The following STXBP4 variants were observed in gnomAD, a reference collection of about 807,000 sequenced individuals.
STXBP4 encodes the protein syntaxin binding protein 4.
In STXBP4, 55 loss-of-function variants were observed where a neutral mutation model predicts 76.1. That is an observed-to-expected ratio of 0.72 (90% CI 0.58 to 0.91). The LOEUF (loss-of-function observed/expected upper bound fraction) is 0.91, where lower values mean the gene tolerates loss of function less well. Ranked by LOEUF, STXBP4 falls within the 40% of genes least tolerant of loss-of-function variation. The pLI, the probability that STXBP4 is intolerant of heterozygous loss-of-function variation, is 0.00. For missense variants in STXBP4, 618 were observed against 636.9 expected, an observed-to-expected ratio of 0.97 and a Z score of 0.32; for synonymous variants, 201 against 220.2, an observed-to-expected ratio of 0.91 and a Z score of 0.77.
chr17:55,201,807 G>A, the STXBP4 span, among the ~76,000 whole-genome samples: 10 of 152,180 alleles, frequency 6.6e-5, no homozygotes, highest in African/African-American at 1.9e-4. Context: ...TATGCTCCAC[G>A]AGCAAGAACC....
At chr17:55,042,072 C>T (rs1307770468) in intron 10 of STXBP4, among the ~76,000 whole-genome samples, 1 of 151,994 alleles carries the variant, frequency 6.6e-6, no homozygotes, top group Admixed American at 6.6e-5. Flanking sequence ...ATGTGACAGA[C>T]CAAAAAGAAC....
Position 55,171,130 on chromosome 17 carries a change from A to G in STXBP4, c.*11219A>G, listed in dbSNP as rs2145215721. ...TGGATTTTAGCAGAGTTGATGCATC[A>G]TTAGGATTTTCACATTAACTCTTTG... On this transcript the variant is annotated 3_prime_UTR_variant, in exon 18 of 18. Transcript: ENST00000376352. 6.6e-6 allele frequency: 1 copy of G among 152,352 alleles called. No homozygotes were observed. The highest frequency in any genetic ancestry group is 6.5e-5 in the Admixed American group (1 of 15,298). The allele number at this position is 152,352 out of a possible 1,614,324, so 9.4% of individuals were successfully genotyped here. A position where few individuals can be genotyped will look rare whatever the true frequency, so the allele number is the denominator to read the frequency against.
At chr17:55,102,130 T>A (rs1230717342) in intron 16 of STXBP4, among the ~76,000 whole-genome samples, 2 of 145,034 alleles carry the variant, frequency 1.4e-5, no homozygotes, top group Non-Finnish European at 3.0e-5. Context: ...TGAACTCTCA[T>A]TTTTTTTTTT....
At position 55,159,849 on chromosome 17, in the gene STXBP4, C is replaced by G; in HGVS notation, c.1600C>G (p.Leu534Val). The G allele has an allele frequency of 6.2e-7, 1 of 1,613,998 alleles. No homozygotes were observed. Among genetic ancestry groups the G allele is most frequent in the South Asian group, 1.1e-5 (1 of 91,070 alleles). Residue 534 changes from leucine (L) to valine (V), a missense_variant, in exon 18 of 18, where the codon CTA becomes GTA. By Grantham distance (32) the Leu-to-Val change is conservative. Transcript: ENST00000376352. Reference sequence around the variant, plus strand: ...CCATCCCGTGATGAGTGTCCTGAATCTATCTCGCTCAGAGGAGAATGAAGA... The same window carrying G: ...CCATCCCGTGATGAGTGTCCTGAATGTATCTCGCTCAGAGGAGAATGAAGA... The part of the protein sequence containing the change: ...WIHPVMSVLN[L>V]SRSEENEEDC...
intron 12 of STXBP4, among the ~76,000 whole-genome samples, chr17:55,049,475 G>A (rs548633637): frequency 5.3e-5 from 8 of 151,968 alleles, no homozygotes; most frequent in Non-Finnish European, 1.0e-4. Flanking sequence ...ACATCATTTT[G>A]TTATATAAGC....
chr17:55,117,016 T>C (rs1411173288), intron 16 of STXBP4, among the ~76,000 whole-genome samples: 2 of 151,830 alleles, frequency 1.3e-5, no homozygotes, highest in African/African-American at 4.8e-5. Flanking sequence ...AGAATCTTTC[T>C]AGAAGGAAAT....
chr17:54,986,142 G>A lies in STXBP4; in HGVS notation c.-78G>A, dbSNP rs1266175392. Reference sequence around the variant, plus strand: ...TTATTTTCTACTTCTTCAATCCTAGGAAAAGAAGAATTTCTAGACTCTTCA... The same window carrying A: ...TTATTTTCTACTTCTTCAATCCTAGAAAAAGAAGAATTTCTAGACTCTTCA... On this transcript the variant is annotated splice_region_variant and 5_prime_UTR_variant, in exon 3 of 18. Coordinates refer to ENST00000376352, the MANE Select transcript of STXBP4 (RefSeq NM_178509.6). 3.2e-6 allele frequency: 4 copies of A among 1,265,612 alleles called. No homozygotes were observed. In the East Asian group the frequency reaches 9.4e-5, roughly 30 times the overall value. The allele number at this position is 1,265,612 out of a possible 1,614,324, so 78.4% of individuals were successfully genotyped here.
intron 12 of STXBP4, among the ~76,000 whole-genome samples, chr17:55,054,327 A>G (rs936697170): frequency 2.6e-5 from 4 of 152,134 alleles, no homozygotes; most frequent in Non-Finnish European, 4.4e-5. Context: ...TCTCTACTAA[A>G]AATACAAAAA....
chr17:55,062,546 A>G (rs531065353), intron 12 of STXBP4, among the ~76,000 whole-genome samples: 2 of 152,086 alleles, frequency 1.3e-5, no homozygotes, highest in East Asian at 3.9e-4. Context: ...TGCTACAATA[A>G]ACATATGTGT....
At chr17:55,101,310 A>G (rs1161546494) in intron 16 of STXBP4, among the ~76,000 whole-genome samples, 1 of 152,168 alleles carries the variant, frequency 6.6e-6, no homozygotes, top group Non-Finnish European at 1.5e-5. Flanking sequence ...TATGAGAGAT[A>G]AACACCCTCC....
chr17:55,083,851 C>T (rs768524904), intron 16 of STXBP4, among the ~76,000 whole-genome samples: 80 of 152,268 alleles, frequency 5.3e-4, no homozygotes, highest in Middle Eastern at 3.4e-3. Flanking sequence ...AGTCACACAG[C>T]CTCGCTTTCA....
chr17:55,178,078 A>C (rs889792326), downstream of STXBP4, among the ~76,000 whole-genome samples: 1 of 152,244 alleles, frequency 6.6e-6, no homozygotes, highest in African/African-American at 2.4e-5. Flanking sequence ...TTGGAGCTTA[A>C]TGGAGATGAA....
rs2080382806 is a variant in STXBP4, at chr17:55,167,558, A to G, written c.*7647A>G. 1 of 152,236 alleles carries G rather than the reference A, an allele frequency of 6.6e-6. No homozygotes were observed. Among genetic ancestry groups the G allele is most frequent in the Non-Finnish European group, 1.5e-5 (1 of 68,040 alleles). 9.4% of individuals were successfully genotyped at this position (152,236 alleles called of 1,614,324 possible). A position where few individuals can be genotyped will look rare whatever the true frequency, so the allele number is the denominator to read the frequency against. On this transcript the variant is annotated 3_prime_UTR_variant, in exon 18 of 18. Transcript: ENST00000376352. ...GCAGTAAAAGGATTGTAAAGCACAT[A>G]CTCACACATTGTTGATTTGCCCAAG...
At chr17:55,041,162 T>TA (rs1464265064) in intron 10 of STXBP4, among the ~76,000 whole-genome samples, 2 of 151,810 alleles carry the variant, frequency 1.3e-5, no homozygotes, top group Non-Finnish European at 2.9e-5. Flanking sequence ...GTCACATCCC[T>TA]AAAATCCCAA....
the STXBP4 span, among the ~76,000 whole-genome samples, chr17:55,180,111 C>T: frequency 1.3e-5 from 2 of 152,260 alleles, no homozygotes; most frequent in East Asian, 1.9e-4. Context: ...GCTAAATACT[C>T]ATCTCTGAGC....
At position 55,031,184 on chromosome 17, in the gene STXBP4, G is replaced by A. The variant is rs769960040; in HGVS notation, c.683G>A (p.Gly228Asp). 1 of 1,612,958 alleles carries A rather than the reference G, an allele frequency of 6.2e-7. No individual in the cohort carries two copies. Among genetic ancestry groups the A allele is most frequent in the South Asian group, 1.1e-5 (1 of 91,022 alleles). The change falls in exon 9 of 18, where the codon GGT becomes GAT. Residue 228 changes from glycine to aspartate, a missense_variant. Transcript: ENST00000376352. ...EKLEMALNYL[G>D]IQPTKEQHQA... ...ATCTTCCAGGCTCTAAATTATCTTG[G>A]TATTCAGCCCACAAAGGAACAACAC...
In STXBP4 at chr17:55,078,138, G is replaced by C; in HGVS notation, c.1249G>C (p.Glu417Gln). 6.2e-7 allele frequency: 1 copy of C among 1,612,250 alleles called. No homozygotes were observed. Among genetic ancestry groups the C allele is most frequent in the Non-Finnish European group, 8.5e-7 (1 of 1,179,114 alleles). Residue 417 changes from glutamate to glutamine, a missense_variant, in exon 14 of 18, where the codon GAA becomes CAA. Transcript: ENST00000376352. The part of the protein sequence containing the change: ...MVLDCQLRKS[E>Q]MARKTFEAST... Reference sequence around the variant, plus strand: ...ACTCGACTGCCAATTACGAAAATCAGAAATGGCTCGAAAAACTTTTGAGGC... The same window carrying C: ...ACTCGACTGCCAATTACGAAAATCACAAATGGCTCGAAAAACTTTTGAGGC...
intron 12 of STXBP4, among the ~76,000 whole-genome samples, chr17:55,065,798 G>C (rs1160997198): frequency 1.3e-5 from 2 of 152,082 alleles, no homozygotes; most frequent in Non-Finnish European, 2.9e-5. Flanking sequence ...TGTTTATAAA[G>C]GAGATTGAAA....
chr17:55,047,173 T>A lies in STXBP4; in HGVS notation c.1011+19T>A. On this transcript the variant is annotated intron_variant, in intron 12 of 17. Coordinates refer to ENST00000376352, the MANE Select transcript of STXBP4 (RefSeq NM_178509.6). ...GAAACAAGTAAGTATATGTATTGTG[T>A]ATATATGTGCTCGTGTGTGTGTGTG... 6.7e-7 allele frequency: 1 copy of A among 1,496,850 alleles called. No individual in the cohort carries two copies. The highest frequency in any genetic ancestry group is 9.2e-7 in the Non-Finnish European group (1 of 1,084,220). The allele number at this position is 1,496,850 out of a possible 1,614,324, so 92.7% of individuals were successfully genotyped here.
Sources: gnomAD v4.1 joint callset for allele counts (sites outside exome capture counted in the v4.1 genomes callset) on GRCh38, gnomAD v4.1.1 for gene constraint, MANE v1.5 for transcripts, NCBI Gene and HGNC (gene_info 2026-07-23, HGNC 2026-07-21) for gene names.